CDC42: variants seen among roughly 807,000 people sequenced by gnomAD.
CDC42 encodes cell division cycle 42, also known as cell division control protein 42 homolog.
Under a neutral mutation model 20.8 loss-of-function variants are expected in CDC42, and 1 was observed. The ratio of observed to expected loss-of-function variants is 0.05; its 90% confidence interval spans 0.02 to 0.23. The LOEUF is 0.23. Among genes scored for constraint, CDC42 ranks in the 10% least tolerant of loss-of-function variants. The pLI is 1.00. For missense variants in CDC42, 49 were observed against 227.9 expected (o/e 0.21, Z 5.05); for synonymous variants, 72 against 84.8 (o/e 0.85, Z 0.83).
At chr1:22,066,829 C>T (rs1285109511) in intron 1 of CDC42, among the ~76,000 whole-genome samples, 11 of 152,022 alleles carry the variant, frequency 7.2e-5, no homozygotes, top group Admixed American at 6.6e-4. Context: ...TTTGGGAGGC[C>T]GAGGTGGGCG....
intron 5 of CDC42, chr1:22,090,024 A>G (rs1381317078): frequency 6.2e-7 from 1 of 1,613,970 alleles, no homozygotes; most frequent in South Asian, 1.1e-5. Flanking sequence ...GAAGTGCTGT[A>G]TATTCTAAAC....
chr1:22,064,690 T>C (rs530568125), intron 1 of CDC42, among the ~76,000 whole-genome samples: 1 of 20,370 alleles, frequency 4.9e-5, no homozygotes, highest in Admixed American at 5.7e-4. Flanking sequence ...TAGAGAAGAT[T>C]CTTTTTTTTT....
chr1:22,063,262 A>G (rs1447810094), intron 1 of CDC42, among the ~76,000 whole-genome samples: 1 of 152,122 alleles, frequency 6.6e-6, no homozygotes, highest in African/African-American at 2.4e-5. Context: ...GTAAAATTGT[A>G]GCAATCTGAG....
At chr1:22,061,532 CTTTTTTTTTTTTTTTTT>C (rs555957608) in intron 1 of CDC42, among the ~76,000 whole-genome samples, 1 of 36,184 alleles carries the variant, frequency 2.8e-5, no homozygotes, top group Non-Finnish European at 5.4e-5. Context: ...ATGTTTCTTT[CTTTTTTTTTTTTTTTTT>C]TTTTTTTTTT....
At chr1:22,064,292 CT>C (rs964295698) in intron 1 of CDC42, 1 of 127,610 alleles carries the variant, frequency 7.8e-6, no homozygotes, top group South Asian at 2.8e-4. Context: ...TGTGAATGCT[CT>C]TTTTTTAAAA....
rs201054137 is a variant in CDC42 at position 22,091,783 on chromosome 1, G to A, written c.*266G>A. 2.7e-5 allele frequency: 3 copies of A among 110,550 alleles called. No individual in the cohort carries two copies. The highest frequency in any genetic ancestry group is 5.0e-5 in the Non-Finnish European group (3 of 60,106). The allele number at this position is 110,550 out of a possible 1,614,324, so 6.8% of individuals were successfully genotyped here. A position where few individuals can be genotyped will look rare whatever the true frequency, so the allele number is the denominator to read the frequency against. ...TTGTTGTTTCAAAAAAAAAATTTTT[G>A]TGTGTGTGTGTTTTTTTTTTTTTTT... is the stretch of plus-strand genomic sequence containing the variant. On this transcript the variant is annotated 3_prime_UTR_variant, in exon 6 of 6. Coordinates refer to ENST00000656825, the MANE Select transcript of CDC42 (RefSeq NM_001791.4).
At chr1:22,082,196 G>C (rs1645614537) in intron 3 of CDC42, among the ~76,000 whole-genome samples, 1 of 150,420 alleles carries the variant, frequency 6.6e-6, no homozygotes, top group Admixed American at 6.6e-5. Flanking sequence ...CCTTTTTAAA[G>C]CCTAGAGTTT....
rs557505613 is a variant in CDC42 at position 22,099,243 on chromosome 1, C to A, written c.*7726C>A. 6.6e-6 allele frequency among the ~76,000 whole-genome samples: 1 copy of A among 152,356 alleles called. No homozygotes were observed. The highest frequency in any genetic ancestry group is 2.4e-5 in the African/African-American group (1 of 41,590). The stretch of plus-strand genomic sequence containing the variant: ...TAATCACATCCAGGAGGGCTCTGCC[C>A]TAACTGCTGAGAATCATAAAAGAAA... On this transcript the variant is annotated 3_prime_UTR_variant, in exon 6 of 6. Coordinates refer to ENST00000656825, the MANE Select transcript of CDC42 (RefSeq NM_001791.4).
rs1244058127 is a variant in CDC42 at position 22,095,004 on chromosome 1, A to C, written c.*3487A>C. ...AAAACAAGGGCCCTGCTCAAGAAGG[A>C]TTGAAACTTAGTCCTTGCTGGGTAC... On this transcript the variant is annotated 3_prime_UTR_variant, in exon 6 of 6. Transcript: ENST00000656825. Among the ~76,000 whole-genome samples, 1 of 152,212 alleles carries C rather than the reference A, an allele frequency of 6.6e-6. No individual in the cohort carries two copies. Among genetic ancestry groups the C allele is most frequent in the East Asian group, 1.9e-4 (1 of 5,202 alleles).
intron 1 of CDC42, among the ~76,000 whole-genome samples, chr1:22,070,624 C>A (rs1376669191): frequency 6.6e-6 from 1 of 151,904 alleles, no homozygotes; most frequent in African/African-American, 2.4e-5. Flanking sequence ...CCACCACGCC[C>A]AGCTGATTTT....
intron 1 of CDC42, chr1:22,052,959 G>T: frequency 6.6e-6 from 1 of 151,934 alleles, no homozygotes; most frequent in South Asian, 2.0e-4. Flanking sequence ...TCGCGGCCGG[G>T]GAGGCAGGGG....
intron 1 of CDC42, chr1:22,068,413 G>A (rs1645447204): frequency 1.3e-5 from 2 of 153,168 alleles, no homozygotes; most frequent in African/African-American, 4.8e-5. Flanking sequence ...TTCATAATTG[G>A]CTTGATCTCC....
At chr1:22,077,763 A>T (rs1331717594) in intron 1 of CDC42, among the ~76,000 whole-genome samples, 1 of 152,250 alleles carries the variant, frequency 6.6e-6, no homozygotes, top group Non-Finnish European at 1.5e-5. Flanking sequence ...GGAGGACTCT[A>T]GTAAGAGAAG....
chr1:22,069,671 T>C (rs1645463221), intron 1 of CDC42, among the ~76,000 whole-genome samples: 2 of 144,490 alleles, frequency 1.4e-5, no homozygotes, highest in South Asian at 4.4e-4. Context: ...TTTGTCATGT[T>C]GCCCAAGCTG....
In CDC42 at chr1:22,087,079, G is replaced by A. The variant is rs541605315; in HGVS notation, c.486+213G>A. On this transcript the variant is annotated intron_variant, in intron 5 of 5. Coordinates refer to ENST00000656825, the MANE Select transcript of CDC42 (RefSeq NM_001791.4). Reference sequence around the variant, plus strand: ...AAACCCCTTGTGTTGGTAAGCTCTCGTATTGTACTGAATGATTCGTAGTGG... The same window carrying A: ...AAACCCCTTGTGTTGGTAAGCTCTCATATTGTACTGAATGATTCGTAGTGG... 6.6e-4 allele frequency among the ~76,000 whole-genome samples: 100 copies of A among 152,202 alleles called. 1 individual carries two copies. In the South Asian group the frequency reaches 9.5e-3, roughly 15 times the overall value.
chr1:22,090,405 T>C, intron 5 of CDC42: 1 of 1,001,924 alleles, frequency 1.0e-6, no homozygotes, highest in Non-Finnish European at 1.2e-6. Flanking sequence ...ACAAACATCA[T>C]TTTACTCTTA....
At chr1:22,069,299 C>T (rs1021776470) in intron 1 of CDC42, among the ~76,000 whole-genome samples, 1 of 150,464 alleles carries the variant, frequency 6.6e-6, no homozygotes, top group Non-Finnish European at 1.5e-5. Flanking sequence ...CCTCACCCTC[C>T]CAAATAGCTG....
At chr1:22,089,397 G>A (rs1423644428) in intron 5 of CDC42, among the ~76,000 whole-genome samples, 2 of 152,206 alleles carry the variant, frequency 1.3e-5, no homozygotes, top group Non-Finnish European at 1.5e-5. Context: ...GACTTGGGTG[G>A]TGGTTACTTG....
At chr1:22,080,408 T>C (rs1645595614) in intron 2 of CDC42, among the ~76,000 whole-genome samples, 1 of 152,246 alleles carries the variant, frequency 6.6e-6, no homozygotes, top group South Asian at 2.1e-4. Flanking sequence ...CGACTTTCCT[T>C]TAACTGTCAT....
Sources: allele counts gnomAD v4.1 joint callset (sites outside exome capture counted in the v4.1 genomes callset), GRCh38; gene constraint gnomAD v4.1.1; transcripts MANE v1.5; gene names NCBI Gene and HGNC (gene_info 2026-07-23, HGNC 2026-07-21).